Variants in PRKN observed in about 807,000 individuals in gnomAD.
PRKN encodes the protein parkin RBR E3 ubiquitin protein ligase, also known as E3 ubiquitin-protein ligase parkin.
In PRKN, 56 loss-of-function variants were observed where a neutral mutation model predicts 59.5. The ratio of observed to expected loss-of-function variants is 0.94; its 90% confidence interval spans 0.76 to 1.18. The LOEUF is 1.18. PRKN is among the 50% of genes most tolerant of loss of function. The pLI is 0.00. For synonymous variants in PRKN, 250 were observed against 222.1 expected (o/e 1.13, Z -1.12); for missense variants, 657 against 596.4 (o/e 1.10, Z -1.06).
At chr6:162,408,196 A>T (rs1788171479) in intron 2 of PRKN, among the ~76,000 whole-genome samples, 1 of 152,132 alleles carries the variant, frequency 6.6e-6, no homozygotes, top group Non-Finnish European at 1.5e-5. Context: ...CATTAGAAAC[A>T]TATCTGCTAC....
At chr6:161,911,395 C>A (rs1171416017) in intron 6 of PRKN, among the ~76,000 whole-genome samples, 1 of 152,130 alleles carries the variant, frequency 6.6e-6, no homozygotes, top group Non-Finnish European at 1.5e-5. Flanking sequence ...CTGTTTTCAA[C>A]AAAGCTTAAA....
chr6:161,731,179 T>C (rs903407874), intron 7 of PRKN, among the ~76,000 whole-genome samples: 2 of 152,284 alleles, frequency 1.3e-5, no homozygotes, highest in African/African-American at 4.8e-5. Context: ...CATTCTGATA[T>C]GTTTTCTTGT....
At chr6:162,454,784 A>T (rs1330815306) in intron 1 of PRKN, among the ~76,000 whole-genome samples, 1 of 152,222 alleles carries the variant, frequency 6.6e-6, no homozygotes, top group African/African-American at 2.4e-5. Context: ...AAACAAAGGA[A>T]TACACTCAAT....
At chr6:161,535,818 C>A (rs1779392544) in intron 9 of PRKN, among the ~76,000 whole-genome samples, 1 of 152,138 alleles carries the variant, frequency 6.6e-6, no homozygotes, top group South Asian at 2.1e-4. Flanking sequence ...CAGCTCCAGA[C>A]ATTTTATGAG....
intron 7 of PRKN, among the ~76,000 whole-genome samples, chr6:161,729,689 AAATATATAGTTCAAG>A (rs1249318901): frequency 3.9e-5 from 6 of 152,258 alleles, no homozygotes; most frequent in African/African-American, 1.4e-4. Context: ...GGCAAATTAA[AAATATATAGTTCAAG>A]AATATGTTCA....
intron 7 of PRKN, among the ~76,000 whole-genome samples, chr6:161,705,249 C>A (rs765591341): frequency 7.2e-5 from 11 of 152,182 alleles, no homozygotes; most frequent in Non-Finnish European, 1.5e-4. Flanking sequence ...TACACCTAAC[C>A]CACCGAACAT....
chr6:161,406,347 T>C (rs960565186), intron 9 of PRKN, among the ~76,000 whole-genome samples: 2 of 152,072 alleles, frequency 1.3e-5, no homozygotes, highest in Admixed American at 1.3e-4. Context: ...AGGGTGCTGA[T>C]CCACTATGGG....
intron 2 of PRKN, among the ~76,000 whole-genome samples, chr6:162,385,069 T>C (rs1202892803): frequency 6.6e-6 from 1 of 150,616 alleles, no homozygotes; most frequent in Admixed American, 6.6e-5. Context: ...GCCTATTCTA[T>C]TTCTTTAACA....
chr6:162,468,475 G>A (rs559634621), intron 1 of PRKN, among the ~76,000 whole-genome samples: 1 of 152,286 alleles, frequency 6.6e-6, no homozygotes, highest in South Asian at 2.1e-4. Flanking sequence ...CAGAACAGAG[G>A]ATATCATTTC....
At chr6:162,393,961 A>C (rs982921971) in intron 2 of PRKN, among the ~76,000 whole-genome samples, 1 of 152,212 alleles carries the variant, frequency 6.6e-6, no homozygotes, top group Admixed American at 6.5e-5. Context: ...ATTACAAAAG[A>C]AATACAAAGC....
chr6:161,584,781 T>C lies in PRKN; in HGVS notation c.872-15365A>G, dbSNP rs138634631. Among the ~76,000 whole-genome samples the C allele has an allele frequency of 2.2e-4, 33 of 152,334 alleles. No homozygotes were observed. The highest frequency in any genetic ancestry group is 7.5e-4 in the African/African-American group (31 of 41,576). On this transcript the variant is annotated intron_variant, in intron 7 of 11. Coordinates refer to ENST00000366898, the MANE Select transcript of PRKN (RefSeq NM_004562.3). The surrounding 1 kb of genome is among the most constrained non-coding windows in gnomAD (Gnocchi z 4.8). ...GAACACCTCAATAACAAATGTTATATTGAAAATGTGCTCAGTAACAATTGC... is the reference window on the plus strand; with the variant it reads ...GAACACCTCAATAACAAATGTTATACTGAAAATGTGCTCAGTAACAATTGC...
rs903958967 is a variant in PRKN, at chr6:161,446,482, C to T, written c.1084-59605G>A. On this transcript the variant is annotated intron_variant, in intron 9 of 11. Transcript: ENST00000366898. This position sits in a 1 kb window ranked among gnomAD's most constrained non-coding sequence, Gnocchi z 6.2. The stretch of plus-strand genomic sequence containing the variant: ...CAGACTCTGGTGCCCTGAAGCCTGG[C>T]GTCTGAGCCAGATCTGACTTTGTGT... 1.3e-5 allele frequency among the ~76,000 whole-genome samples: 2 copies of T among 152,020 alleles called. No individual in the cohort carries two copies. Among genetic ancestry groups the T allele is most frequent in the African/African-American group, 2.4e-5 (1 of 41,396 alleles).
At chr6:162,609,221 C>A (rs1230065120) in intron 1 of PRKN, among the ~76,000 whole-genome samples, 1 of 152,192 alleles carries the variant, frequency 6.6e-6, no homozygotes, top group Non-Finnish European at 1.5e-5. Flanking sequence ...AGGGGCAGGA[C>A]TAACTTGAGC....
At chr6:161,808,558 G>T (rs1030554176) in intron 6 of PRKN, among the ~76,000 whole-genome samples, 3 of 152,136 alleles carry the variant, frequency 2.0e-5, no homozygotes, top group African/African-American at 7.2e-5. Context: ...AACTGTGACA[G>T]ATGTTATAAA....
chr6:161,796,956 A>G (rs1419110263), intron 6 of PRKN, among the ~76,000 whole-genome samples: 1 of 152,230 alleles, frequency 6.6e-6, no homozygotes, highest in Non-Finnish European at 1.5e-5. Context: ...TGAGAAAGAT[A>G]TGAAGACAGA....
chr6:162,470,055 CCTGA>C (rs113329722), intron 1 of PRKN, among the ~76,000 whole-genome samples: 45 of 152,118 alleles, frequency 3.0e-4, no homozygotes, highest in African/African-American at 9.6e-4. Context: ...CATAAAAAGG[CCTGA>C]CTATCAGTGC....
At chr6:162,329,247 G>C (rs1445074446) in intron 2 of PRKN, among the ~76,000 whole-genome samples, 1 of 151,882 alleles carries the variant, frequency 6.6e-6, no homozygotes, top group African/African-American at 2.4e-5. Flanking sequence ...CGGAAGAGCG[G>C]GTGCAGCACG....
At chr6:161,479,239 G>A (rs1249181989) in intron 9 of PRKN, among the ~76,000 whole-genome samples, 2 of 152,084 alleles carry the variant, frequency 1.3e-5, no homozygotes, top group Non-Finnish European at 1.5e-5. Flanking sequence ...TATTTAGTAC[G>A]TACATGCCCA....
intron 1 of PRKN, among the ~76,000 whole-genome samples, chr6:162,492,070 G>T (rs1198123086): frequency 6.6e-6 from 1 of 152,098 alleles, no homozygotes; most frequent in Non-Finnish European, 1.5e-5. Flanking sequence ...TCTGAACTCG[G>T]CCTCATGCCC....
Sources: gnomAD v4.1 joint callset for allele counts (sites outside exome capture counted in the v4.1 genomes callset) on GRCh38, gnomAD v4.1.1 for gene constraint, Gnocchi (gnomAD v3.1) non-coding constraint, MANE v1.5 for transcripts, NCBI Gene and HGNC (gene_info 2026-07-23, HGNC 2026-07-21) for gene names.